Variants in SEC23A observed in about 807,000 individuals in gnomAD.
SEC23A encodes SEC23 homolog A, COPII component.
In SEC23A, 56 loss-of-function variants were observed where a neutral mutation model predicts 103.7. The ratio of observed to expected loss-of-function variants is 0.54; its 90% confidence interval spans 0.44 to 0.67. SEC23A has a LOEUF of 0.67. Ranked by LOEUF, SEC23A falls within the 30% of genes least tolerant of loss-of-function variation. The pLI is 0.00. For synonymous variants in SEC23A, 281 were observed against 293.0 expected (o/e 0.96, Z 0.42); for missense variants, 784 against 936.4 (o/e 0.84, Z 2.12).
intron 19 of SEC23A, among the ~76,000 whole-genome samples, chr14:39,036,925 A>G (rs1365560143): frequency 2.6e-5 from 4 of 152,136 alleles, no homozygotes; most frequent in African/African-American, 4.8e-5. Context: ...ATAACCTCCT[A>G]GCCATCAAAT....
chr14:39,061,400 T>C (rs1886472076), intron 13 of SEC23A, among the ~76,000 whole-genome samples: 1 of 152,070 alleles, frequency 6.6e-6, no homozygotes, highest in Non-Finnish European at 1.5e-5. Flanking sequence ...TAAGAATTTT[T>C]ATCACTAATT....
intron 5 of SEC23A, among the ~76,000 whole-genome samples, chr14:39,088,926 T>C (rs1259517859): frequency 6.6e-6 from 1 of 151,904 alleles, no homozygotes; most frequent in Non-Finnish European, 1.5e-5. Context: ...CCCAGCACTT[T>C]GGGAGGCCAA....
intron 2 of SEC23A, among the ~76,000 whole-genome samples, chr14:39,094,723 G>A (rs1887826991): frequency 6.6e-6 from 1 of 152,058 alleles, no homozygotes; most frequent in Non-Finnish European, 1.5e-5. Context: ...GGAGACAGAA[G>A]AATCCGGGCA....
At chr14:39,063,923 G>A (rs999143234) in intron 11 of SEC23A, among the ~76,000 whole-genome samples, 1 of 152,072 alleles carries the variant, frequency 6.6e-6, no homozygotes. Flanking sequence ...GTGAACCTAG[G>A]AGGCGGAGCT....
At chr14:39,089,427 C>G (rs1887581624) in intron 5 of SEC23A, among the ~76,000 whole-genome samples, 1 of 152,120 alleles carries the variant, frequency 6.6e-6, no homozygotes, top group Non-Finnish European at 1.5e-5. Flanking sequence ...TTCACTTTCT[C>G]TCCTGTCTCA....
At chr14:39,099,589 A>G (rs1033319099) in intron 1 of SEC23A, among the ~76,000 whole-genome samples, 1 of 152,214 alleles carries the variant, frequency 6.6e-6, no homozygotes, top group Non-Finnish European at 1.5e-5. Context: ...ATGTATTAAC[A>G]TTTAGAAGAT....
chr14:39,092,642 C>CAAACAAA lies in SEC23A; in HGVS notation c.280-22_280-16dup. The CAAACAAA allele has an allele frequency of 1.3e-6, 2 of 1,526,790 alleles. No homozygotes were observed. Among genetic ancestry groups the CAAACAAA allele is most frequent in the Non-Finnish European group, 9.0e-7 (1 of 1,105,386 alleles). 94.6% of individuals were successfully genotyped at this position (1,526,790 alleles called of 1,614,324 possible). A position where few individuals can be genotyped will look rare whatever the true frequency, so the allele number is the denominator to read the frequency against. ...CTAGGTGGAAACTACAAATAGAAAA[C>CAAACAAA]AAACAAAAATTTTTAACAAATTATA... is the stretch of plus-strand genomic sequence containing the variant. On this transcript the variant is annotated splice_polypyrimidine_tract_variant and intron_variant, in intron 3 of 19. Transcript: ENST00000307712.
At chr14:39,085,419 G>A (rs1566508005) in intron 7 of SEC23A, among the ~76,000 whole-genome samples, 2 of 152,150 alleles carry the variant, frequency 1.3e-5, no homozygotes, top group African/African-American at 4.8e-5. Context: ...CAGTCTATCA[G>A]AGAAGTATAG....
At chr14:39,060,899 T>C (rs781678407) in intron 13 of SEC23A, among the ~76,000 whole-genome samples, 2 of 152,154 alleles carry the variant, frequency 1.3e-5, no homozygotes, top group African/African-American at 2.4e-5. Flanking sequence ...AGAACATGAC[T>C]ATGTTACACA....
In SEC23A at chr14:39,063,420, A is replaced by C; in HGVS notation, c.1309-7T>G. 6.4e-7 allele frequency: 1 copy of C among 1,554,142 alleles called. No homozygotes were observed. Among genetic ancestry groups the C allele is most frequent in the Non-Finnish European group, 8.9e-7 (1 of 1,126,028 alleles). ...TGCCACCTGTTCCTATCTCCTGTAA[A>C]AATAAAATATAGCATGTTTGAAAGC... is the stretch of plus-strand genomic sequence containing the variant. On this transcript the variant is annotated splice_region_variant and splice_polypyrimidine_tract_variant and intron_variant, in intron 11 of 19. Coordinates refer to ENST00000307712, the MANE Select transcript of SEC23A (RefSeq NM_006364.4).
intron 16 of SEC23A, among the ~76,000 whole-genome samples, chr14:39,043,278 A>T (rs913905669): frequency 3.9e-5 from 6 of 152,156 alleles, no homozygotes; most frequent in African/African-American, 1.4e-4. Flanking sequence ...TAAATTTGAA[A>T]CTTAGGCCAT....
chr14:39,068,372 C>T (rs1886743221), intron 9 of SEC23A, among the ~76,000 whole-genome samples: 1 of 152,084 alleles, frequency 6.6e-6, no homozygotes, highest in Non-Finnish European at 1.5e-5. Context: ...AATCCAGCCA[C>T]CCCACTAATA....
Position 39,086,994 on chromosome 14 carries a change from G to C in SEC23A, c.618C>G (p.Leu206=). 2 of 1,572,430 alleles carry C rather than the reference G, an allele frequency of 1.3e-6. No homozygotes were observed. Among genetic ancestry groups the C allele is most frequent in the Non-Finnish European group, 1.8e-6 (2 of 1,141,914 alleles). Residue 206 remains leucine (L), a synonymous_variant, in exon 6 of 20, where the codon CTC becomes CTG. Transcript: ENST00000307712. ...TTGCTTGAGTAAGTGGTACTTTAGA[G>C]AGCCCCAGCATTTCCTGTAAAGAGA... ...SAKQLQEMLG[L]SKVPLTQATR...
chr14:39,048,622 G>A (rs1205594776), intron 15 of SEC23A, 30 bp downstream of exon 15: 2 of 1,416,248 alleles, frequency 1.4e-6, no homozygotes, highest in East Asian at 4.6e-5. Context: ...AAAAAGAAAA[G>A]AAAAGAATAT....
intron 9 of SEC23A, among the ~76,000 whole-genome samples, chr14:39,069,604 C>T (rs1566497877): frequency 6.6e-6 from 1 of 151,880 alleles, no homozygotes; most frequent in Admixed American, 6.6e-5. Context: ...GGACCACAGG[C>T]GCACACCACC....
At chr14:39,048,782 C>T (rs1202174376) in intron 14 of SEC23A, 53 bp from the exon 15 acceptor site, 3 of 933,606 alleles carry the variant, frequency 3.2e-6, no homozygotes, top group Non-Finnish European at 5.2e-6. Flanking sequence ...AAAGCTAACA[C>T]TGTTGCCTAT....
intron 19 of SEC23A, among the ~76,000 whole-genome samples, chr14:39,036,117 G>A (rs1241258159): frequency 6.6e-6 from 1 of 151,702 alleles, no homozygotes; most frequent in Non-Finnish European, 1.5e-5. Context: ...TCAGAAGATC[G>A]AGACCATCCT....
At chr14:39,047,707 T>C (rs1594440932) in intron 15 of SEC23A, among the ~76,000 whole-genome samples, 1 of 152,342 alleles carries the variant, frequency 6.6e-6, no homozygotes, top group African/African-American at 2.4e-5. Flanking sequence ...ATTCTGTATA[T>C]TTCTCACTTT....
chr14:39,042,581 A>T (rs1885682358), intron 17 of SEC23A, among the ~76,000 whole-genome samples: 1 of 152,184 alleles, frequency 6.6e-6, no homozygotes, highest in African/African-American at 2.4e-5. Flanking sequence ...CAATTGTGTG[A>T]CAAATGAATA....
Sources: gnomAD v4.1 joint callset for allele counts (sites outside exome capture counted in the v4.1 genomes callset) on GRCh38, gnomAD v4.1.1 for gene constraint, MANE v1.5 for transcripts, NCBI Gene and HGNC (gene_info 2026-07-23, HGNC 2026-07-21) for gene names.